The following NCOA1 variants were observed in gnomAD, a reference collection of about 807,000 sequenced individuals.
The protein encoded by NCOA1 is Hin-2 protein.
NCOA1 carries 35 observed loss-of-function variants against 150.9 expected under a neutral mutation model. The ratio of observed to expected loss-of-function variants is 0.23; its 90% confidence interval spans 0.18 to 0.31. NCOA1 has a LOEUF of 0.31. Among genes scored for constraint, NCOA1 ranks in the 10% least tolerant of loss-of-function variants. NCOA1 has a pLI of 1.00. For missense variants in NCOA1, 1,491 were observed against 1,749.3 expected (o/e 0.85, Z 2.63); for synonymous variants, 590 against 630.0 (o/e 0.94, Z 0.95).
chr2:24,523,628 A>AAAAAAAAAAAAAC (rs1664523257), intron 1 of NCOA1, among the ~76,000 whole-genome samples: 1 of 129,858 alleles, frequency 7.7e-6, no homozygotes, highest in Non-Finnish European at 1.7e-5. Flanking sequence ...AAAAAAAAAA[A>AAAAAAAAAAAAAC]AAGAAACTGG....
At chr2:24,510,321 A>G (rs1368199933) in intron 1 of NCOA1, among the ~76,000 whole-genome samples, 1 of 152,214 alleles carries the variant, frequency 6.6e-6, no homozygotes, top group African/African-American at 2.4e-5. Context: ...TGCTGGGATT[A>G]CAGGTGTGAG....
chr2:24,513,464 C>T (rs905175217), intron 1 of NCOA1, among the ~76,000 whole-genome samples: 1 of 151,864 alleles, frequency 6.6e-6, no homozygotes. Flanking sequence ...TACTTACTCA[C>T]GCTCCTCTGG....
At chr2:24,762,842 A>G in intron 22 of NCOA1, 66 bp downstream of exon 22, 1 of 1,389,704 alleles carries the variant, frequency 7.2e-7, no homozygotes, top group Non-Finnish European at 1.0e-6. Flanking sequence ...GTCATTGTGT[A>G]GCATCATTAA....
chr2:24,561,223 AC>A (rs1666280492), intron 1 of NCOA1, among the ~76,000 whole-genome samples: 1 of 152,188 alleles, frequency 6.6e-6, no homozygotes, highest in Non-Finnish European at 1.5e-5. Context: ...AAAAGTGGTA[AC>A]CTACAGTAAG....
chr2:24,587,878 A>C (rs1011812906), intron 3 of NCOA1, among the ~76,000 whole-genome samples: 1 of 152,242 alleles, frequency 6.6e-6, no homozygotes, highest in Admixed American at 6.5e-5. Context: ...CAGTAAGTCT[A>C]GAGTAGGGCA....
chr2:24,675,606 C>T (rs1572576059), intron 7 of NCOA1, among the ~76,000 whole-genome samples: 1 of 152,186 alleles, frequency 6.6e-6, no homozygotes, highest in Non-Finnish European at 1.5e-5. Context: ...ATAAACAGTC[C>T]GGGCGCGGTG....
At chr2:24,527,857 A>G (rs1445238679) in intron 1 of NCOA1, among the ~76,000 whole-genome samples, 1 of 152,156 alleles carries the variant, frequency 6.6e-6, no homozygotes, top group Non-Finnish European at 1.5e-5. Context: ...AATAACAGCT[A>G]TCCTAATTGG....
chr2:24,544,674 G>T (rs993484519), intron 1 of NCOA1, among the ~76,000 whole-genome samples: 29 of 152,164 alleles, frequency 1.9e-4, no homozygotes, highest in African/African-American at 6.8e-4. Flanking sequence ...AGGAAGTTGA[G>T]GCCACAGTGA....
chr2:24,527,378 T>C (rs1258106396), intron 1 of NCOA1, among the ~76,000 whole-genome samples: 1 of 152,200 alleles, frequency 6.6e-6, no homozygotes, highest in Admixed American at 6.5e-5. Flanking sequence ...CATTTGACTT[T>C]TAAAACATTC....
At chr2:24,610,983 A>T (rs534708883) in intron 3 of NCOA1, among the ~76,000 whole-genome samples, 2 of 152,136 alleles carry the variant, frequency 1.3e-5, no homozygotes, top group African/African-American at 4.8e-5. Context: ...TTCAGGGAGT[A>T]CATGTACAGG....
chr2:24,727,442 T>C (rs1041292513), intron 15 of NCOA1, among the ~76,000 whole-genome samples: 28 of 152,182 alleles, frequency 1.8e-4, no homozygotes, highest in Non-Finnish European at 3.4e-4. Flanking sequence ...AAGGAAAGTA[T>C]ACTTTTTACA....
At chr2:24,562,589 A>G (rs1284007084) in intron 1 of NCOA1, among the ~76,000 whole-genome samples, 1 of 152,200 alleles carries the variant, frequency 6.6e-6, no homozygotes, top group Non-Finnish European at 1.5e-5. Context: ...ATTATGGGAG[A>G]AGGACCTGAT....
intron 1 of NCOA1, among the ~76,000 whole-genome samples, chr2:24,510,817 T>A (rs77922746): frequency 0.025 from 3,747 of 152,336 alleles, 49 homozygotes; most frequent in South Asian, 0.033. Context: ...TATTTCATTC[T>A]GGTATTCCCA....
At chr2:24,589,874 C>T (rs1450377367) in intron 3 of NCOA1, among the ~76,000 whole-genome samples, 2 of 152,142 alleles carry the variant, frequency 1.3e-5, no homozygotes, top group Admixed American at 6.5e-5. Context: ...GTCTCTGTCT[C>T]ACCTTTTAAT....
chr2:24,551,850 GT>G (rs1665844673), intron 1 of NCOA1, among the ~76,000 whole-genome samples: 1 of 152,048 alleles, frequency 6.6e-6, no homozygotes, highest in South Asian at 2.1e-4. Flanking sequence ...TTTTGTTTTT[GT>G]TTTTGTTTTG....
At chr2:24,543,916 A>T (rs1220494379) in intron 1 of NCOA1, among the ~76,000 whole-genome samples, 1 of 152,178 alleles carries the variant, frequency 6.6e-6, no homozygotes, top group Non-Finnish European at 1.5e-5. Flanking sequence ...CTCAGATTGT[A>T]GTGTGAATGG....
chr2:24,512,073 A>G, intron 1 of NCOA1, among the ~76,000 whole-genome samples: 1 of 152,186 alleles, frequency 6.6e-6, no homozygotes, highest in East Asian at 1.9e-4. Context: ...AAACTGTACT[A>G]ACTTTTGCAC....
intron 3 of NCOA1, among the ~76,000 whole-genome samples, chr2:24,625,364 CAAAA>C (rs35143423): frequency 7.3e-5 from 6 of 82,170 alleles, no homozygotes; most frequent in Admixed American, 1.3e-4. Context: ...GACTCTGCCT[CAAAA>C]AAAAAAAAAA....
chr2:24,722,352 C>T lies in NCOA1; in HGVS notation c.2600-4237C>T, dbSNP rs1439030112. Among the ~76,000 whole-genome samples the T allele has an allele frequency of 2.0e-5, 3 of 152,192 alleles. No homozygotes were observed. The East Asian group carries it at 5.8e-4, about 29-fold the overall frequency. ...GTACTGTTGATCAGAATGTGTACAG[C>T]ATGCCTGTTTGTCAGTACCTTCAAA... On this transcript the variant is annotated intron_variant, in intron 14 of 22. Transcript: ENST00000348332.
Sources: gnomAD v4.1 joint callset for allele counts (sites outside exome capture counted in the v4.1 genomes callset) on GRCh38, gnomAD v4.1.1 for gene constraint, MANE v1.5 for transcripts, NCBI Gene and HGNC (gene_info 2026-07-23, HGNC 2026-07-21) for gene names.